The following CCDC12 variants were observed in gnomAD, a reference collection of about 807,000 sequenced individuals.
The protein encoded by CCDC12 is coiled-coil domain-containing protein 12.
In CCDC12, 28 loss-of-function variants were observed where a neutral mutation model predicts 25.7. The ratio of observed to expected loss-of-function variants is 1.09; its 90% CI spans 0.81 to 1.50. The LOEUF (loss-of-function observed/expected upper bound fraction) is 1.50, where lower values mean the gene tolerates loss of function less well. CCDC12 is among the 40% of genes most tolerant of loss of function. The pLI is 0.00. For synonymous variants in CCDC12, 75 were observed against 87.7 expected, an observed-to-expected ratio of 0.86 and a Z score of 0.81; for missense variants, 198 against 210.0, an observed-to-expected ratio of 0.94 and a Z score of 0.35.
intron 1 of CCDC12, among the ~76,000 whole-genome samples, chr3:46,959,862 C>T (rs1295912191): frequency 6.6e-6 from 1 of 152,184 alleles, no homozygotes; most frequent in African/African-American, 2.4e-5. Context: ...GCCATCCACT[C>T]AATCCCTCAA....
At chr3:46,964,376 G>C (rs1032967179) in intron 1 of CCDC12, among the ~76,000 whole-genome samples, 2 of 152,190 alleles carry the variant, frequency 1.3e-5, no homozygotes, top group African/African-American at 4.8e-5. Context: ...TGGGAGGTGG[G>C]GGGCGCTTCT....
chr3:46,955,945 G>T lies in CCDC12; in HGVS notation c.97-14880C>A, dbSNP rs576452871. ...GCCTCTGGCCCCCACCAATACCCCG[G>T]AATCAGGTATTATCACTGCATACAA... On this transcript the variant is annotated intron_variant, in intron 1 of 6. Coordinates refer to ENST00000683445, the MANE Select transcript of CCDC12 (RefSeq NM_001277074.2). 3.3e-5 allele frequency among the ~76,000 whole-genome samples: 5 copies of T among 152,310 alleles called. No homozygotes were observed. The South Asian group carries it at 1.0e-3, about 32-fold the overall frequency.
upstream of CCDC12, among the ~76,000 whole-genome samples, chr3:46,978,407 G>A (rs2035076454): frequency 6.6e-6 from 1 of 152,114 alleles, no homozygotes; most frequent in Non-Finnish European, 1.5e-5. Context: ...GGAGTCTCCA[G>A]ACTGGTCAAC....
intron 1 of CCDC12, among the ~76,000 whole-genome samples, chr3:46,945,866 C>T (rs1020331836): frequency 6.6e-6 from 1 of 152,288 alleles, no homozygotes; most frequent in Non-Finnish European, 1.5e-5. Flanking sequence ...TAATTTGTGT[C>T]ATTTTTCTTT....
upstream of CCDC12, chr3:46,976,971 A>AAG: frequency 6.3e-6 from 2 of 315,258 alleles, no homozygotes; most frequent in South Asian, 5.6e-5. Flanking sequence ...AAAAAAAAAG[A>AAG]AAAAAAAAAA....
Position 46,965,002 on chromosome 3 carries a change from G to C in CCDC12, c.96+11635C>G, listed in dbSNP as rs1437655867. On this transcript the variant is annotated intron_variant, in intron 1 of 6. Transcript: ENST00000683445. ...AAATAAAATAATTAAAATCTAGAGA[G>C]AACTAACTCAGTCAAGAGGACCATA... Among the ~76,000 whole-genome samples the C allele has an allele frequency of 2.6e-5, 4 of 151,556 alleles. No homozygotes were observed. The South Asian group carries it at 6.3e-4, about 24-fold the overall frequency.
chr3:46,974,420 T>C (rs2034903224), intron 1 of CCDC12, among the ~76,000 whole-genome samples: 1 of 152,208 alleles, frequency 6.6e-6, no homozygotes, highest in South Asian at 2.1e-4. Flanking sequence ...TCCCTGGCAA[T>C]GGGCTCTGTG....
At chr3:46,975,969 C>T (rs2034972386) in intron 1 of CCDC12, 1 of 151,820 alleles carries the variant, frequency 6.6e-6, no homozygotes, top group South Asian at 2.0e-4. Flanking sequence ...CCATAGCCTC[C>T]CGAGAAGCTG....
chr3:46,963,666 C>T lies in CCDC12; in HGVS notation c.96+12971G>A, dbSNP rs1349285945. Among the ~76,000 whole-genome samples, 5 of 150,726 alleles carry T rather than the reference C, an allele frequency of 3.3e-5. No homozygotes were observed. The South Asian group carries it at 1.1e-3, about 32-fold the overall frequency. ...GGAGACCGGGTTTCGCTGTGTTGGC[C>T]GGGCTGGTCTCCAGCTCCTAACCGC... On this transcript the variant is annotated intron_variant, in intron 1 of 6. Coordinates refer to ENST00000683445, the MANE Select transcript of CCDC12 (RefSeq NM_001277074.2).
chr3:46,953,737 C>G (rs1314075075), intron 1 of CCDC12, among the ~76,000 whole-genome samples: 1 of 152,018 alleles, frequency 6.6e-6, no homozygotes, highest in Non-Finnish European at 1.5e-5. Flanking sequence ...CAGCCTGGGA[C>G]TCTAACCACA....
intron 2 of CCDC12, among the ~76,000 whole-genome samples, chr3:46,927,220 C>G (rs1363873909): frequency 1.3e-5 from 2 of 152,198 alleles, no homozygotes; most frequent in Non-Finnish European, 2.9e-5. Flanking sequence ...CCCCGTCCCC[C>G]ATCCTTGAAC....
At chr3:46,938,307 G>T (rs1215926764) in intron 2 of CCDC12, among the ~76,000 whole-genome samples, 1 of 152,146 alleles carries the variant, frequency 6.6e-6, no homozygotes, top group Non-Finnish European at 1.5e-5. Flanking sequence ...CAGGAAGCAG[G>T]TCCTCACATG....
At chr3:46,972,358 C>A (rs1356696378) in intron 1 of CCDC12, among the ~76,000 whole-genome samples, 1 of 151,946 alleles carries the variant, frequency 6.6e-6, no homozygotes, top group African/African-American at 2.4e-5. Flanking sequence ...AAAAGATAAT[C>A]CAGAGAATGG....
chr3:46,979,065 T>C (rs2035120119), upstream of CCDC12, among the ~76,000 whole-genome samples: 1 of 151,976 alleles, frequency 6.6e-6, no homozygotes, highest in African/African-American at 2.4e-5. Flanking sequence ...TTCTGGGCCC[T>C]GGAGTTGGGG....
At chr3:46,925,672 A>C in intron 2 of CCDC12, 137 bp from the exon 3 acceptor site, 4 of 776,468 alleles carry the variant, frequency 5.2e-6, no homozygotes, top group Admixed American at 2.9e-5. Flanking sequence ...TAAGGAGGAG[A>C]AGCACAGAAT....
intron 1 of CCDC12, 146 bp downstream of exon 1, chr3:46,976,491 C>A (rs1375939173): frequency 1.7e-5 from 25 of 1,436,242 alleles, no homozygotes; most frequent in Middle Eastern, 5.1e-4. Context: ...CGTGGGAGGG[C>A]GCCGTCTTCT....
chr3:46,976,670 C>T lies in CCDC12; in HGVS notation c.63G>A (p.Arg21=). Reference sequence around the variant, plus strand: ...CGGTTTTCTCCCGTAGGGCCTTCAGCCGTTCCTTTCGCCGCAACGCCTCTT... The same window carrying T: ...CGGTTTTCTCCCGTAGGGCCTTCAGTCGTTCCTTTCGCCGCAACGCCTCTT... The part of the protein sequence containing the change: ...LEEEALRRKE[R]LKALREKTGR... Residue 21 remains arginine, a synonymous_variant, in exon 1 of 7, where the codon CGG becomes CGA. Coordinates refer to ENST00000683445, the MANE Select transcript of CCDC12 (RefSeq NM_001277074.2). 6.2e-7 allele frequency: 1 copy of T among 1,610,710 alleles called. No homozygotes were observed. The highest frequency in any genetic ancestry group is 8.5e-7 in the Non-Finnish European group (1 of 1,178,520).
upstream of CCDC12, chr3:46,979,703 C>T (rs1278708574): frequency 1.6e-5 from 5 of 309,538 alleles, no homozygotes; most frequent in Non-Finnish European, 2.4e-5. Context: ...GGTGGCTCTG[C>T]GCCGCGGAGG....
intron 2 of CCDC12, among the ~76,000 whole-genome samples, chr3:46,927,937 G>A (rs991297478): frequency 6.6e-6 from 1 of 152,176 alleles, no homozygotes; most frequent in African/African-American, 2.4e-5. Flanking sequence ...GTCTCTGGGA[G>A]AGGTCAAGGA....
Sources: allele counts gnomAD v4.1 joint callset (sites outside exome capture counted in the v4.1 genomes callset), GRCh38; gene constraint gnomAD v4.1.1; transcripts MANE v1.5; gene names NCBI Gene and HGNC (gene_info 2026-07-23, HGNC 2026-07-21).